The following RBMS3 variants were observed in gnomAD, a reference collection of about 807,000 sequenced individuals.
The protein encoded by RBMS3 is RNA binding motif single stranded interacting protein 3.
RBMS3 carries 27 observed loss-of-function variants against 66.8 expected under a neutral mutation model. That is an observed-to-expected ratio of 0.40 (90% CI 0.30 to 0.56). The LOEUF (loss-of-function observed/expected upper bound fraction) is 0.56, where lower values mean the gene tolerates loss of function less well. Among genes scored for constraint, RBMS3 ranks in the 20% least tolerant of loss-of-function variants. The probability of loss-of-function intolerance (pLI) is 0.40; values close to 1 mark genes in which losing one functional copy is unlikely to be tolerated. For synonymous variants in RBMS3, 188 were observed against 183.0 expected (o/e 1.03, Z -0.22); for missense variants, 513 against 549.5 (o/e 0.93, Z 0.66).
At chr3:29,889,931 A>G (rs777879664) in intron 8 of RBMS3, among the ~76,000 whole-genome samples, 15 of 151,488 alleles carry the variant, frequency 9.9e-5, no homozygotes, top group Admixed American at 5.9e-4. Context: ...CTCCTAAAAT[A>G]TTACCTCTAG....
At chr3:29,793,177 G>C (rs1269693371) in intron 6 of RBMS3, among the ~76,000 whole-genome samples, 1 of 151,404 alleles carries the variant, frequency 6.6e-6, no homozygotes, top group Non-Finnish European at 1.5e-5. Context: ...GTTGCAGTGA[G>C]CCCAGATTGC....
chr3:29,362,413 T>C (rs1476807532), intron 1 of RBMS3, among the ~76,000 whole-genome samples: 1 of 152,224 alleles, frequency 6.6e-6, no homozygotes, highest in Non-Finnish European at 1.5e-5. Context: ...CTGGAGGTTT[T>C]GTCTCAGAGG....
chr3:29,818,097 T>C (rs942032432), intron 6 of RBMS3, among the ~76,000 whole-genome samples: 2 of 152,178 alleles, frequency 1.3e-5, no homozygotes, highest in Non-Finnish European at 2.9e-5. Context: ...ATGAGAAAGA[T>C]ATATAATTAA....
intron 1 of RBMS3, among the ~76,000 whole-genome samples, chr3:29,354,819 T>C (rs2037124692): frequency 6.6e-6 from 1 of 152,166 alleles, no homozygotes; most frequent in African/African-American, 2.4e-5. Context: ...AATTTCACTT[T>C]TCCTTCATGG....
In RBMS3 at chr3:29,331,368, A is replaced by T. The variant is rs76745777; in HGVS notation, c.75+49612A>T. On this transcript the variant is annotated intron_variant, in intron 1 of 14. Coordinates refer to ENST00000383767, the MANE Select transcript of RBMS3 (RefSeq NM_001003793.3). Reference sequence around the variant, plus strand: ...GAGCCCAGCTCCCTTTCCTTAAGTTAAGACGAACTCCAATATGTAACTTAC... The same window carrying T: ...GAGCCCAGCTCCCTTTCCTTAAGTTTAGACGAACTCCAATATGTAACTTAC... Among the ~76,000 whole-genome samples the T allele has an allele frequency of 8.5e-3, 1,298 of 152,196 alleles. 18 individuals are homozygous for T. The highest frequency in any genetic ancestry group is 0.029 in the African/African-American group (1,194 of 41,530).
At chr3:29,741,480 C>A (rs541131374) in intron 5 of RBMS3, among the ~76,000 whole-genome samples, 1 of 152,220 alleles carries the variant, frequency 6.6e-6, no homozygotes. Context: ...TTTTACTTTA[C>A]ATACCATACA....
chr3:29,824,394 T>C (rs1319259014), intron 6 of RBMS3, among the ~76,000 whole-genome samples: 4 of 152,076 alleles, frequency 2.6e-5, no homozygotes, highest in African/African-American at 7.2e-5. Context: ...CCACAATAAA[T>C]AAATTTCTGT....
chr3:29,839,524 T>C (rs1467026258), intron 6 of RBMS3, among the ~76,000 whole-genome samples: 1 of 151,932 alleles, frequency 6.6e-6, no homozygotes, highest in Non-Finnish European at 1.5e-5. Context: ...AAATTATTAA[T>C]GAGGAAGCTT....
intron 3 of RBMS3, among the ~76,000 whole-genome samples, chr3:29,519,177 G>A (rs116268256): frequency 2.6e-5 from 4 of 152,288 alleles, no homozygotes; most frequent in Non-Finnish European, 5.9e-5. Flanking sequence ...CCATAGATGT[G>A]TTACCTCAGC....
intron 6 of RBMS3, among the ~76,000 whole-genome samples, chr3:29,842,743 G>A (rs375928583): frequency 1.2e-4 from 19 of 152,218 alleles, no homozygotes; most frequent in African/African-American, 2.6e-4. Flanking sequence ...TGTTAGGATC[G>A]TTATAAGAGG....
At chr3:29,357,269 A>G (rs139806503) in intron 1 of RBMS3, among the ~76,000 whole-genome samples, 19,030 of 151,952 alleles carry the variant, frequency 0.13, 1,204 homozygotes, top group East Asian at 0.19. Context: ...TCATTGTTCA[A>G]TTCCCACCTA....
intron 3 of RBMS3, among the ~76,000 whole-genome samples, chr3:29,546,387 C>CA (rs1183367115): frequency 1.3e-5 from 2 of 152,144 alleles, no homozygotes; most frequent in East Asian, 3.8e-4. Flanking sequence ...TTTTCCTCAA[C>CA]TGCCTCACAA....
At chr3:29,760,492 T>C (rs1377887797) in intron 5 of RBMS3, among the ~76,000 whole-genome samples, 1 of 152,050 alleles carries the variant, frequency 6.6e-6, no homozygotes, top group Non-Finnish European at 1.5e-5. Context: ...GAATAAAAAT[T>C]CCATAAAGTA....
At chr3:29,676,728 T>C (rs1342148043) in intron 4 of RBMS3, among the ~76,000 whole-genome samples, 1 of 152,200 alleles carries the variant, frequency 6.6e-6, no homozygotes, top group Admixed American at 6.5e-5. Context: ...AGTGCTATAT[T>C]CTAATATCTG....
rs79294758 is a variant in RBMS3 at position 29,536,440 on chromosome 3, C to T, written c.307+47941C>T. On this transcript the variant is annotated intron_variant, in intron 3 of 14. Coordinates refer to ENST00000383767, the MANE Select transcript of RBMS3 (RefSeq NM_001003793.3). The stretch of plus-strand genomic sequence containing the variant: ...TATTAAGATTGCTTATCTTGACCTT[C>T]CTTATCACTGCGTCATGTGCTGCAT... Among the ~76,000 whole-genome samples the T allele has an allele frequency of 9.8e-3, 1,494 of 152,280 alleles. 25 individuals carry two copies. The highest frequency in any genetic ancestry group is 0.035 in the African/African-American group (1,440 of 41,552).
chr3:29,390,392 A>C (rs1267509344), intron 1 of RBMS3, among the ~76,000 whole-genome samples: 1 of 152,230 alleles, frequency 6.6e-6, no homozygotes, highest in African/African-American at 2.4e-5. Context: ...AAAAAGCTGC[A>C]TAGTCAAATA....
chr3:29,819,054 A>G (rs2058000526), intron 6 of RBMS3, among the ~76,000 whole-genome samples: 1 of 152,212 alleles, frequency 6.6e-6, no homozygotes, highest in Admixed American at 6.5e-5. Context: ...CCACCCAACA[A>G]GATAAAAAAG....
rs193128937 is a variant in RBMS3 at position 29,467,088 on chromosome 3, A to G, written c.249-21353A>G. On this transcript the variant is annotated intron_variant, in intron 2 of 14. Coordinates refer to ENST00000383767, the MANE Select transcript of RBMS3 (RefSeq NM_001003793.3). ...TTTAATTTGTGAAGAGTTTTCATATACTCTAAGCTTGGCTTTTCTTTTCCT... is the reference window on the plus strand; with the variant it reads ...TTTAATTTGTGAAGAGTTTTCATATGCTCTAAGCTTGGCTTTTCTTTTCCT... Among the ~76,000 whole-genome samples the G allele has an allele frequency of 1.2e-3, 182 of 152,276 alleles. 1 individual carries two copies. The highest frequency in any genetic ancestry group is 4.2e-3 in the African/African-American group (175 of 41,558).
intron 4 of RBMS3, among the ~76,000 whole-genome samples, chr3:29,663,596 T>C (rs567080336): frequency 2.6e-5 from 4 of 152,302 alleles, no homozygotes; most frequent in Non-Finnish European, 5.9e-5. Context: ...AATTGATGAA[T>C]TAAAGGTAAG....
Sources: allele counts gnomAD v4.1 joint callset (sites outside exome capture counted in the v4.1 genomes callset), GRCh38; gene constraint gnomAD v4.1.1; transcripts MANE v1.5; gene names NCBI Gene and HGNC (gene_info 2026-07-23, HGNC 2026-07-21).